Variants in MAP2K1 observed in about 807,000 individuals in gnomAD.
MAP2K1 encodes dual specificity mitogen-activated protein kinase kinase 1.
In MAP2K1, 16 loss-of-function variants were observed where a neutral mutation model predicts 46.3. That is an observed-to-expected ratio of 0.35 (90% CI 0.23 to 0.52). The LOEUF is 0.52. Among genes scored for constraint, MAP2K1 ranks in the 20% least tolerant of loss-of-function variants. The pLI is 0.94. For synonymous variants in MAP2K1, 183 were observed against 185.6 expected (o/e 0.99, Z 0.11); for missense variants, 263 against 497.1 (o/e 0.53, Z 4.48).
chr15:66,466,286 A>C (rs1175436014), intron 5 of MAP2K1, among the ~76,000 whole-genome samples: 1 of 152,258 alleles, frequency 6.6e-6, no homozygotes, highest in Non-Finnish European at 1.5e-5. Flanking sequence ...ATATTGCCGT[A>C]AGTTAAGAAT....
chr15:66,436,913 C>T (rs1467866877), intron 3 of MAP2K1, 21 bp downstream of exon 3: 1 of 1,613,774 alleles, frequency 6.2e-7, no homozygotes, highest in Non-Finnish European at 8.5e-7. Flanking sequence ...CCCTCTCAGC[C>T]TCTGGAGCAA....
chr15:66,398,319 G>A (rs532772312), intron 1 of MAP2K1, among the ~76,000 whole-genome samples: 1 of 152,308 alleles, frequency 6.6e-6, no homozygotes, highest in Non-Finnish European at 1.5e-5. Context: ...GGGAGGCTGA[G>A]GCGGGAGGAT....
chr15:66,415,790 A>G (rs2093423217), intron 1 of MAP2K1, among the ~76,000 whole-genome samples: 1 of 152,232 alleles, frequency 6.6e-6, no homozygotes, highest in Admixed American at 6.5e-5. Flanking sequence ...TACTATATAT[A>G]TTCACTGGAA....
intron 5 of MAP2K1, among the ~76,000 whole-genome samples, chr15:66,448,152 C>CAAAAA (rs67953737): frequency 3.3e-4 from 29 of 86,834 alleles, no homozygotes; most frequent in East Asian, 3.5e-4. Context: ...GACTCCATCT[C>CAAAAA]AAAAAAAAAA....
chr15:66,387,508 G>C, intron 1 of MAP2K1, 81 bp downstream of exon 1: 4 of 1,393,908 alleles, frequency 2.9e-6, no homozygotes, highest in Admixed American at 2.0e-5. Context: ...GCCAGGCTCC[G>C]ATCTGGTTTG....
intron 1 of MAP2K1, among the ~76,000 whole-genome samples, chr15:66,393,520 G>A (rs1300192611): frequency 6.6e-6 from 1 of 152,182 alleles, no homozygotes; most frequent in Non-Finnish European, 1.5e-5. Flanking sequence ...AGTTGCAGTA[G>A]TGAGGCAGGG....
intron 1 of MAP2K1, among the ~76,000 whole-genome samples, chr15:66,410,691 G>A (rs2093409219): frequency 6.6e-6 from 1 of 152,136 alleles, no homozygotes; most frequent in Non-Finnish European, 1.5e-5. Flanking sequence ...GGGGAGCCTT[G>A]GAAGCTCAGC....
At chr15:66,483,726 TACA>T (rs1200061170) in intron 6 of MAP2K1, among the ~76,000 whole-genome samples, 4 of 151,906 alleles carry the variant, frequency 2.6e-5, no homozygotes, top group Non-Finnish European at 5.9e-5. Flanking sequence ...TATTGCATTT[TACA>T]ACATTTGACA....
intron 1 of MAP2K1, among the ~76,000 whole-genome samples, chr15:66,420,835 A>ATATGTG (rs1567003187): frequency 9.3e-6 from 1 of 107,146 alleles, no homozygotes; most frequent in African/African-American, 3.3e-5. Context: ...ATATGTGTAT[A>ATATGTG]TATATGTGTG....
rs2140580125 is a variant in MAP2K1 at position 66,435,249 on chromosome 15, T to C, written c.291+12T>C. Reference sequence around the variant, plus strand: ...TCATGGCCAGAAAGGTGAGTTTGCCTTGATTAACAGGTAATTGGATTATTT... The same window carrying C: ...TCATGGCCAGAAAGGTGAGTTTGCCCTGATTAACAGGTAATTGGATTATTT... On this transcript the variant is annotated intron_variant, in intron 2 of 10. Coordinates refer to ENST00000307102, the MANE Select transcript of MAP2K1 (RefSeq NM_002755.4). 1 of 1,609,114 alleles carries C rather than the reference T, an allele frequency of 6.2e-7. No individual in the cohort carries two copies. Among genetic ancestry groups the C allele is most frequent in the Non-Finnish European group, 8.5e-7 (1 of 1,175,654 alleles).
chr15:66,433,001 T>TGTG (rs56089688), intron 1 of MAP2K1, among the ~76,000 whole-genome samples: 7 of 151,226 alleles, frequency 4.6e-5, no homozygotes, highest in East Asian at 1.9e-4. Context: ...TGTGTGTGTG[T>TGTG]TGACAGCTTT....
chr15:66,409,003 A>G (rs1413926913), intron 1 of MAP2K1, among the ~76,000 whole-genome samples: 3 of 152,052 alleles, frequency 2.0e-5, no homozygotes, highest in African/African-American at 7.2e-5. Flanking sequence ...CCTGGCTTTG[A>G]GTTTATGAGG....
intron 1 of MAP2K1, among the ~76,000 whole-genome samples, chr15:66,421,099 C>CACACACACACACACAT (rs2093441955): frequency 3.4e-5 from 1 of 29,612 alleles, no homozygotes. Flanking sequence ...CACATACACA[C>CACACACACACACACAT]ACACACACAC....
chr15:66,488,586 T>C (rs990761581), intron 8 of MAP2K1: 12 of 175,652 alleles, frequency 6.8e-5, no homozygotes, highest in Non-Finnish European at 9.8e-5. Context: ...TGCTGCATGA[T>C]CACCATGGGA....
intron 5 of MAP2K1, among the ~76,000 whole-genome samples, chr15:66,457,515 TA>T (rs1254650935): frequency 2.0e-5 from 3 of 152,216 alleles, no homozygotes; most frequent in Non-Finnish European, 4.4e-5. Flanking sequence ...GCTATAATGG[TA>T]AATTTGAGTA....
chr15:66,400,047 A>T (rs1451838395), intron 1 of MAP2K1, among the ~76,000 whole-genome samples: 1 of 152,054 alleles, frequency 6.6e-6, no homozygotes, highest in Non-Finnish European at 1.5e-5. Context: ...TCTTTTTCTT[A>T]TTAGGAAACA....
intron 3 of MAP2K1, among the ~76,000 whole-genome samples, chr15:66,438,190 G>C (rs1019486836): frequency 6.6e-6 from 1 of 151,530 alleles, no homozygotes; most frequent in African/African-American, 2.4e-5. Flanking sequence ...AGGTTCAAGT[G>C]ATTCCCCTGC....
chr15:66,474,826 C>G (rs530336281), intron 5 of MAP2K1, among the ~76,000 whole-genome samples: 1 of 151,730 alleles, frequency 6.6e-6, no homozygotes, highest in East Asian at 1.9e-4. Flanking sequence ...TATATTTGAA[C>G]TGGGGAGGCG....
Position 66,389,858 on chromosome 15 carries a change from C to T in MAP2K1, c.80+2431C>T, listed in dbSNP as rs548890224. Among the ~76,000 whole-genome samples, 17 of 152,270 alleles carry T rather than the reference C, an allele frequency of 1.1e-4. No homozygotes were observed. The Middle Eastern group carries it at 0.014, about 122-fold the overall frequency. ...AAGTGCTGGGATTACAGCCCGGCCT[C>T]TGTTGTGGTTTTGTGACCTGGTTCA... On this transcript the variant is annotated intron_variant, in intron 1 of 10. Transcript: ENST00000307102.
Sources: gnomAD v4.1 joint callset for allele counts (sites outside exome capture counted in the v4.1 genomes callset) on GRCh38, gnomAD v4.1.1 for gene constraint, MANE v1.5 for transcripts, NCBI Gene and HGNC (gene_info 2026-07-23, HGNC 2026-07-21) for gene names.